Variants in DRD2 observed in about 807,000 individuals in gnomAD.
DRD2 encodes the protein D(2) dopamine receptor.
DRD2 carries 8 observed loss-of-function variants against 38.0 expected under a neutral mutation model. That is an observed-to-expected ratio of 0.21 (90% CI 0.12 to 0.38). The LOEUF is 0.38. Among genes scored for constraint, DRD2 ranks in the 10% least tolerant of loss-of-function variants. DRD2 has a pLI of 1.00. For missense variants in DRD2, 403 were observed against 607.7 expected (o/e 0.66, Z 3.54); for synonymous variants, 230 against 238.6 (o/e 0.96, Z 0.33).
chr11:113,427,195 G>A (rs1950948452), intron 1 of DRD2, among the ~76,000 whole-genome samples: 1 of 152,196 alleles, frequency 6.6e-6, no homozygotes, highest in South Asian at 2.1e-4. Flanking sequence ...ATACTACCTG[G>A]AACATGCTTG....
At position 113,415,525 on chromosome 11, in the gene DRD2, G is replaced by A. The variant is rs1428821390; in HGVS notation, c.619C>T (p.Leu207=). 1 of 1,614,108 alleles carries A rather than the reference G, an allele frequency of 6.2e-7. No individual in the cohort carries two copies. The highest frequency in any genetic ancestry group is 8.5e-7 in the Non-Finnish European group (1 of 1,180,002). ...ACAATGTAGATCTTGATGTAGACCA[G>A]CAGGGTGACAATGAAGGGCACGTAG... ...SFYVPFIVTL[L]VYIKIYIVLR... Residue 207 remains leucine (L), a synonymous_variant, in exon 5 of 8, where the codon CTG becomes TTG. Transcript: ENST00000362072.
intron 1 of DRD2, among the ~76,000 whole-genome samples, chr11:113,461,527 G>T (rs1313048263): frequency 6.6e-6 from 1 of 152,150 alleles, no homozygotes; most frequent in Non-Finnish European, 1.5e-5. Context: ...CTATTACCTG[G>T]TGGAGATGAG....
At chr11:113,460,530 T>A (rs1482611010) in intron 1 of DRD2, among the ~76,000 whole-genome samples, 1 of 152,232 alleles carries the variant, frequency 6.6e-6, no homozygotes, top group Non-Finnish European at 1.5e-5. Context: ...GACAGAAGAA[T>A]GTTCAGAGGC....
intron 1 of DRD2, among the ~76,000 whole-genome samples, chr11:113,450,499 C>A (rs1386478964): frequency 6.6e-6 from 1 of 152,198 alleles, no homozygotes; most frequent in African/African-American, 2.4e-5. Flanking sequence ...GCTCCTCTCC[C>A]AAACCCCACC....
chr11:113,415,403 T>TG lies in DRD2; in HGVS notation c.723+17dup, dbSNP rs201316581. ...TTAGGTGGGGACCCTTGGAGTTGGT[T>TG]GGGGGGTGTCTTGAGACCTTTAGTG... On this transcript the variant is annotated intron_variant, in intron 5 of 7. Transcript: ENST00000362072. The TG allele has an allele frequency of 8.6e-3, 13,722 of 1,603,822 alleles. 84 individuals are homozygous for TG. Among genetic ancestry groups the TG allele is most frequent in the Admixed American group, 9.6e-3 (570 of 59,580 alleles).
At chr11:113,457,138 C>T (rs1343048092) in intron 1 of DRD2, among the ~76,000 whole-genome samples, 1 of 152,074 alleles carries the variant, frequency 6.6e-6, no homozygotes, top group South Asian at 2.1e-4. Flanking sequence ...AGGTAGCGGC[C>T]GGGAAGACAG....
At position 113,410,707 on chromosome 11, in the gene DRD2, T is replaced by G; in HGVS notation, c.*20A>C. 1 of 1,613,986 alleles carries G rather than the reference T, an allele frequency of 6.2e-7. No individual in the cohort carries two copies. Among genetic ancestry groups the G allele is most frequent in the Non-Finnish European group, 8.5e-7 (1 of 1,179,974 alleles). On this transcript the variant is annotated 3_prime_UTR_variant, in exon 8 of 8. Transcript: ENST00000362072. The stretch of plus-strand genomic sequence containing the variant: ...GGCAGGGAGGTGGGAAGCAGGCTGC[T>G]GTGCGGGCAGGCAGCAGAGTCAGCA...
chr11:113,424,433 G>A lies in DRD2; in HGVS notation c.219C>T (p.Ile73=), dbSNP rs764858158. ...GGAGGTCGGCCACTGCGAGGCTGAC[G>A]ATCAGGTAGTTGGTGGTGGTCTGCA... ...KALQTTTNYL[I]VSLAVADLLV... The change falls in exon 2 of 8, where the codon ATC becomes ATT. Residue 73 remains isoleucine, a synonymous_variant. Transcript: ENST00000362072. 3.2e-5 allele frequency: 51 copies of A among 1,614,126 alleles called. No individual in the cohort carries two copies. The highest frequency in any genetic ancestry group is 3.6e-5 in the Non-Finnish European group (43 of 1,180,058).
At chr11:113,447,913 C>T (rs1951168139) in intron 1 of DRD2, among the ~76,000 whole-genome samples, 1 of 152,162 alleles carries the variant, frequency 6.6e-6, no homozygotes, top group African/African-American at 2.4e-5. Flanking sequence ...TGTTGAGGGG[C>T]CAGTAGCTGA....
At chr11:113,432,288 TTCTCTCTCTCTCTCTCTC>T (rs56097058) in intron 1 of DRD2, among the ~76,000 whole-genome samples, 8 of 136,258 alleles carry the variant, frequency 5.9e-5, no homozygotes, top group Non-Finnish European at 1.3e-4. Flanking sequence ...GATCCTCTCT[TTCTCTCTCTCTCTCTCTC>T]TCTCTCTCTC....
intron 1 of DRD2, among the ~76,000 whole-genome samples, chr11:113,457,930 G>A (rs1367184419): frequency 6.6e-6 from 1 of 152,262 alleles, no homozygotes. Flanking sequence ...TCCAAGGGCT[G>A]TTCCCCAGTG....
intron 1 of DRD2, among the ~76,000 whole-genome samples, chr11:113,439,204 T>C (rs1591289535): frequency 6.6e-6 from 1 of 152,226 alleles, no homozygotes; most frequent in East Asian, 1.9e-4. Flanking sequence ...TGAGCCTTAA[T>C]GGGCAGAGTT....
chr11:113,435,303 T>C (rs1184273172), intron 1 of DRD2, among the ~76,000 whole-genome samples: 1 of 130,034 alleles, frequency 7.7e-6, no homozygotes, highest in African/African-American at 3.0e-5. Context: ...CACAAATTAA[T>C]TAACTGTTAG....
chr11:113,414,836 CAA>C (rs929372502), intron 5 of DRD2, among the ~76,000 whole-genome samples: 9 of 152,158 alleles, frequency 5.9e-5, no homozygotes, highest in African/African-American at 1.9e-4. Context: ...GGTCACTCAG[CAA>C]AAAAAGTGTC....
At chr11:113,437,601 A>C (rs1417766616) in intron 1 of DRD2, among the ~76,000 whole-genome samples, 1 of 152,154 alleles carries the variant, frequency 6.6e-6, no homozygotes, top group African/African-American at 2.4e-5. Flanking sequence ...TCTCCAGGAC[A>C]TGGGGCTACT....
chr11:113,457,283 T>C (rs1951276450), intron 1 of DRD2, among the ~76,000 whole-genome samples: 1 of 152,226 alleles, frequency 6.6e-6, no homozygotes, highest in East Asian at 1.9e-4. Flanking sequence ...CTAGTACAGA[T>C]GTCACTTTAC....
intron 1 of DRD2, among the ~76,000 whole-genome samples, chr11:113,468,867 G>A (rs1951395131): frequency 4.6e-5 from 7 of 152,198 alleles, no homozygotes; most frequent in Admixed American, 4.6e-4. Context: ...ATTTTTTAAA[G>A]GCAGCTCTCA....
chr11:113,414,321 G>A (rs1358068991), intron 6 of DRD2, 54 bp downstream of exon 6: 1 of 1,549,982 alleles, frequency 6.5e-7, no homozygotes, highest in Non-Finnish European at 8.9e-7. Context: ...ATGGCCAGTG[G>A]GCTTCCCTAG....
At position 113,410,168 on chromosome 11, in the gene DRD2, G is replaced by C. The variant is rs962027061; in HGVS notation, c.*559C>G. 3.7e-5 allele frequency: 7 copies of C among 190,734 alleles called. No homozygotes were observed. Among genetic ancestry groups the C allele is most frequent in the Non-Finnish European group, 5.5e-5 (5 of 91,030 alleles). 11.8% of individuals were successfully genotyped at this position (190,734 alleles called of 1,614,324 possible). On this transcript the variant is annotated 3_prime_UTR_variant, in exon 8 of 8. Coordinates refer to ENST00000362072, the MANE Select transcript of DRD2 (RefSeq NM_000795.4). ...AGAGGTCCACATCGGGGTGCGGGAG[G>C]GAGCTAAGGTTTTTGGCTTGGGAAT... is the stretch of plus-strand genomic sequence containing the variant.
Sources: allele counts gnomAD v4.1 joint callset (sites outside exome capture counted in the v4.1 genomes callset), GRCh38; gene constraint gnomAD v4.1.1; transcripts MANE v1.5; gene names NCBI Gene and HGNC (gene_info 2026-07-23, HGNC 2026-07-21).